The following GABRG3 variants were observed in gnomAD, a reference collection of about 807,000 sequenced individuals.
GABRG3 encodes the protein gamma-aminobutyric acid type A receptor subunit gamma3, also known as gamma-aminobutyric acid receptor subunit gamma-3.
A neutral mutation model predicts 48.8 loss-of-function variants in GABRG3; 25 were observed. That is an observed-to-expected ratio of 0.51 (90% CI 0.37 to 0.72). The LOEUF is 0.72. Among genes scored for constraint, GABRG3 ranks in the 30% least tolerant of loss-of-function variants. The pLI, the probability that GABRG3 is intolerant of heterozygous loss-of-function variation, is 0.00. For missense variants in GABRG3, 394 were observed against 577.9 expected, an observed-to-expected ratio of 0.68 and a Z score of 3.26; for synonymous variants, 227 against 217.6, an observed-to-expected ratio of 1.04 and a Z score of -0.38.
At chr15:27,307,260 AT>A (rs1892614212) in intron 3 of GABRG3, among the ~76,000 whole-genome samples, 2 of 42,070 alleles carry the variant, frequency 4.8e-5, no homozygotes, top group African/African-American at 7.5e-5. Context: ...CCATGTTCAT[AT>A]TATATGTTTA....
intron 3 of GABRG3, among the ~76,000 whole-genome samples, chr15:27,041,898 G>A (rs80261001): frequency 0.1 from 15,929 of 152,148 alleles, 975 homozygotes; most frequent in East Asian, 0.21. Flanking sequence ...TGGTTGAGGT[G>A]TTCTGGTACT....
intron 3 of GABRG3, among the ~76,000 whole-genome samples, chr15:27,165,728 G>C (rs1887349256): frequency 6.6e-6 from 1 of 152,072 alleles, no homozygotes; most frequent in Admixed American, 6.6e-5. Context: ...ATAAACTGCT[G>C]GTCCTTAGGG....
At chr15:27,213,101 G>A (rs781039617) in intron 3 of GABRG3, among the ~76,000 whole-genome samples, 1 of 152,114 alleles carries the variant, frequency 6.6e-6, no homozygotes, top group Non-Finnish European at 1.5e-5. Flanking sequence ...TGGGCCAAAT[G>A]TCTGAAGGTA....
At chr15:27,219,900 G>A (rs564206258) in intron 3 of GABRG3, among the ~76,000 whole-genome samples, 4 of 152,310 alleles carry the variant, frequency 2.6e-5, no homozygotes, top group African/African-American at 4.8e-5. Context: ...TCATAAGAAC[G>A]ACTCCTTATT....
At chr15:27,467,773 T>G (rs533330228) in intron 5 of GABRG3, among the ~76,000 whole-genome samples, 24 of 152,354 alleles carry the variant, frequency 1.6e-4, no homozygotes, top group African/African-American at 5.8e-4. Context: ...TTAAAGTAAA[T>G]GGTACATTGT....
At chr15:27,241,734 A>G (rs535918054) in intron 3 of GABRG3, among the ~76,000 whole-genome samples, 1 of 152,222 alleles carries the variant, frequency 6.6e-6, no homozygotes, top group Non-Finnish European at 1.5e-5. Context: ...TAAATTGAAC[A>G]TCTGTCTTTT....
intron 3 of GABRG3, among the ~76,000 whole-genome samples, chr15:27,040,855 C>T (rs1358084867): frequency 6.6e-6 from 1 of 151,920 alleles, no homozygotes; most frequent in Admixed American, 6.6e-5. Context: ...AAGAAGGGAC[C>T]ATATGAAGTT....
At chr15:27,163,972 T>A (rs944713024) in intron 3 of GABRG3, among the ~76,000 whole-genome samples, 1 of 152,154 alleles carries the variant, frequency 6.6e-6, no homozygotes, top group African/African-American at 2.4e-5. Context: ...CCAATTCAGT[T>A]ACGGGGGGAT....
intron 3 of GABRG3, among the ~76,000 whole-genome samples, chr15:27,141,337 GA>G (rs1486002849): frequency 2.0e-5 from 3 of 152,180 alleles, no homozygotes; most frequent in Non-Finnish European, 1.5e-5. Flanking sequence ...AAGGTGCAAG[GA>G]AGATTGGAGT....
At chr15:27,257,813 T>A (rs993089492) in intron 3 of GABRG3, among the ~76,000 whole-genome samples, 1 of 142,008 alleles carries the variant, frequency 7.0e-6, no homozygotes, top group Non-Finnish European at 1.5e-5. Flanking sequence ...CACACGTGGC[T>A]ATTTTTTTTT....
At chr15:27,101,584 T>C (rs1443873987) in intron 3 of GABRG3, among the ~76,000 whole-genome samples, 1 of 151,926 alleles carries the variant, frequency 6.6e-6, no homozygotes, top group Non-Finnish European at 1.5e-5. Context: ...GGCAGAGGAG[T>C]AGACACATAG....
At chr15:27,326,787 C>T (rs1194144211) in intron 3 of GABRG3, 22 bp from the exon 4 acceptor site, 1 of 1,566,358 alleles carries the variant, frequency 6.4e-7, no homozygotes, top group Non-Finnish European at 8.8e-7. Context: ...ACTGTCTTGC[C>T]TCTCCTTCTG....
intron 3 of GABRG3, among the ~76,000 whole-genome samples, chr15:27,241,046 A>C (rs1890114846): frequency 6.6e-6 from 1 of 152,228 alleles, no homozygotes; most frequent in Non-Finnish European, 1.5e-5. Flanking sequence ...ACAACCTCTT[A>C]GATAATTCCA....
intron 3 of GABRG3, among the ~76,000 whole-genome samples, chr15:27,140,338 CA>C (rs1370187898): frequency 3.9e-5 from 6 of 152,066 alleles, no homozygotes; most frequent in African/African-American, 1.4e-4. Context: ...AGCTGGTGTC[CA>C]TTGTGGGTTG....
intron 6 of GABRG3, among the ~76,000 whole-genome samples, chr15:27,500,585 T>G (rs564610884): frequency 1.3e-5 from 2 of 152,328 alleles, no homozygotes; most frequent in South Asian, 4.1e-4. Context: ...AAGCAGGCCC[T>G]TATATTCCCA....
At chr15:27,150,811 C>T (rs1032839218) in intron 3 of GABRG3, among the ~76,000 whole-genome samples, 1 of 152,142 alleles carries the variant, frequency 6.6e-6, no homozygotes, top group Non-Finnish European at 1.5e-5. Flanking sequence ...TAAGTGCAAC[C>T]TTTAGTAGCA....
intron 3 of GABRG3, among the ~76,000 whole-genome samples, chr15:27,181,838 C>T (rs1297554275): frequency 6.6e-6 from 1 of 151,944 alleles, no homozygotes; most frequent in Admixed American, 6.6e-5. Context: ...TTTTTTATTC[C>T]TGTCAAACTC....
intron 3 of GABRG3, among the ~76,000 whole-genome samples, chr15:27,305,131 C>A (rs1323284221): frequency 6.6e-6 from 1 of 151,638 alleles, no homozygotes; most frequent in Non-Finnish European, 1.5e-5. Flanking sequence ...GGCAACAGTC[C>A]AGTATCATTC....
chr15:27,157,582 G>C (rs528051791), intron 3 of GABRG3: 1 of 152,324 alleles, frequency 6.6e-6, no homozygotes, highest in South Asian at 2.1e-4. Context: ...AGCTTGGAGA[G>C]TAGGCAGACA....
Sources: allele counts gnomAD v4.1 joint callset (sites outside exome capture counted in the v4.1 genomes callset), GRCh38; gene constraint gnomAD v4.1.1; transcripts MANE v1.5; gene names NCBI Gene and HGNC (gene_info 2026-07-23, HGNC 2026-07-21).